APOLD1: variants seen among roughly 807,000 people sequenced by gnomAD.
The protein encoded by APOLD1 is apolipoprotein L domain containing 1, also known as apolipoprotein L domain-containing protein 1.
APOLD1 carries 22 observed loss-of-function variants against 15.3 expected under a neutral mutation model. That is an observed-to-expected ratio of 1.44 (90% confidence interval 1.03 to 2.05). The LOEUF (loss-of-function observed/expected upper bound fraction) is 2.05, where lower values mean the gene tolerates loss of function less well. Among genes scored for constraint, APOLD1 ranks in the 30% most tolerant of loss-of-function variants. The pLI is 0.00. For synonymous variants in APOLD1, 190 were observed against 167.4 expected (o/e 1.13, Z -1.04); for missense variants, 394 against 353.5 (o/e 1.11, Z -0.92).
At chr12:12,756,087 T>G (rs1160366138) in intron 1 of APOLD1, among the ~76,000 whole-genome samples, 1 of 152,126 alleles carries the variant, frequency 6.6e-6, no homozygotes. Context: ...AGACTCTGAG[T>G]GGAGAGAAGT....
In APOLD1 at chr12:12,787,839, G is replaced by A; in HGVS notation, c.*187G>A. ...TCCCATCACTGTGACATCTGCCTGG[G>A]CTTGAGTGCTACGGACTTTTCAGTC... On this transcript the variant is annotated 3_prime_UTR_variant, in exon 2 of 2. Coordinates refer to ENST00000356591, the MANE Select transcript of APOLD1 (RefSeq NM_030817.3). The surrounding 1 kb of genome is among the most constrained non-coding windows in gnomAD (Gnocchi z 4.9). The A allele has an allele frequency of 1.3e-6, 1 of 794,106 alleles. No individual in the cohort carries two copies. Among genetic ancestry groups the A allele is most frequent in the Non-Finnish European group, 1.9e-6 (1 of 521,858 alleles). The allele number at this position is 794,106 out of a possible 1,614,324, so 49.2% of individuals were successfully genotyped here. A position where few individuals can be genotyped will look rare whatever the true frequency, so the allele number is the denominator to read the frequency against.
chr12:12,730,096 G>C (rs1946627023), intron 1 of APOLD1, among the ~76,000 whole-genome samples: 1 of 149,538 alleles, frequency 6.7e-6, no homozygotes, highest in Non-Finnish European at 1.5e-5. Context: ...GAGAGAGAGA[G>C]ACAGACAGGT....
intron 1 of APOLD1, among the ~76,000 whole-genome samples, chr12:12,761,285 C>G (rs1946896754): frequency 6.6e-6 from 1 of 152,082 alleles, no homozygotes; most frequent in Non-Finnish European, 1.5e-5. Context: ...TTCAGAAACT[C>G]CTTTATAAAG....
intron 1 of APOLD1, among the ~76,000 whole-genome samples, chr12:12,749,010 G>T (rs1946786996): frequency 6.6e-6 from 1 of 152,188 alleles, no homozygotes; most frequent in African/African-American, 2.4e-5. Flanking sequence ...GCACAGTGCT[G>T]AAATTAACCT....
chr12:12,739,476 A>G (rs1322379333), intron 1 of APOLD1, among the ~76,000 whole-genome samples: 1 of 152,246 alleles, frequency 6.6e-6, no homozygotes, highest in Non-Finnish European at 1.5e-5. Flanking sequence ...TCTAATCAAG[A>G]TACATTTGAA....
chr12:12,764,821 G>T, intron 1 of APOLD1: 1 of 345,266 alleles, frequency 2.9e-6, no homozygotes. Flanking sequence ...GCCACAGCAT[G>T]GTATGGGGAT....
intron 1 of APOLD1, among the ~76,000 whole-genome samples, chr12:12,764,202 A>G (rs1946926669): frequency 6.6e-6 from 1 of 152,178 alleles, no homozygotes; most frequent in Non-Finnish European, 1.5e-5. Flanking sequence ...GCCTCAGGTG[A>G]TCCACCCATC....
At chr12:12,742,094 T>A (rs1318715492) in intron 1 of APOLD1, among the ~76,000 whole-genome samples, 1 of 152,216 alleles carries the variant, frequency 6.6e-6, no homozygotes, top group South Asian at 2.1e-4. Context: ...AATAATTGTT[T>A]CATTAAAAAC....
At position 12,790,316 on chromosome 12, in the gene APOLD1, T is replaced by C. The variant is rs377737624; in HGVS notation, c.*2664T>C. The C allele has an allele frequency of 1.3e-5, 2 of 152,202 alleles. No homozygotes were observed. The highest frequency in any genetic ancestry group is 3.8e-4 in the East Asian group (2 of 5,198). The allele number at this position is 152,202 out of a possible 1,614,324, so 9.4% of individuals were successfully genotyped here. A position where few individuals can be genotyped will look rare whatever the true frequency, so the allele number is the denominator to read the frequency against. ...CACCTCGCCTGGCCAGATGCTAGCA[T>C]TTTAGATCAAACAATTCATTTTAGA... On this transcript the variant is annotated 3_prime_UTR_variant, in exon 2 of 2. Coordinates refer to ENST00000356591, the MANE Select transcript of APOLD1 (RefSeq NM_030817.3).
At chr12:12,746,640 A>C (rs550347252) in intron 1 of APOLD1, among the ~76,000 whole-genome samples, 11 of 152,136 alleles carry the variant, frequency 7.2e-5, no homozygotes, top group Non-Finnish European at 1.5e-4. Context: ...ACATGCTCTA[A>C]TTTTTTTTAA....
intron 1 of APOLD1, among the ~76,000 whole-genome samples, chr12:12,759,727 C>T (rs1946882926): frequency 6.6e-6 from 1 of 152,200 alleles, no homozygotes; most frequent in African/African-American, 2.4e-5. Context: ...TCCAGTTACC[C>T]TGTTGGGAGT....
rs538853803 is a variant in APOLD1, at chr12:12,732,066, T to G, written c.96+5970T>G. Among the ~76,000 whole-genome samples the G allele has an allele frequency of 1.3e-4, 20 of 152,338 alleles. No homozygotes were observed. In the South Asian group the frequency reaches 3.7e-3, roughly 28 times the overall value. On this transcript the variant is annotated intron_variant, in intron 1 of 1. Coordinates refer to the APOLD1 transcript ENST00000326765. ...CATTCCTGCTTTTAAGTTTAATGCC[T>G]GTACGTTGCTGGTGATACCAGTCTC...
chr12:12,736,107 G>A (rs1946682764), intron 1 of APOLD1, among the ~76,000 whole-genome samples: 1 of 152,114 alleles, frequency 6.6e-6, no homozygotes, highest in African/African-American at 2.4e-5. Context: ...TGTAATCCCA[G>A]CATTTTGGGA....
intron 1 of APOLD1, among the ~76,000 whole-genome samples, chr12:12,767,273 G>C (rs1334272684): frequency 6.6e-6 from 1 of 151,896 alleles, no homozygotes; most frequent in Non-Finnish European, 1.5e-5. Context: ...TTGGCCCTCT[G>C]TATTTGTGAG....
At position 12,777,677 on chromosome 12, in the gene APOLD1, A is replaced by G. The variant is rs138131133; in HGVS notation, c.97-9232A>G. ...TCCTTTGAGCATCACTCTAAAATCC[A>G]AAACTTACTGAGCACCAGTGTGACG... On this transcript the variant is annotated intron_variant, in intron 1 of 1. Transcript: ENST00000326765. Among the ~76,000 whole-genome samples the G allele has an allele frequency of 1.4e-3, 195 of 142,738 alleles. 1 individual carries two copies. The highest frequency in any genetic ancestry group is 4.8e-3 in the African/African-American group (185 of 38,726). The allele number at this position is 142,738 out of a possible 152,430, so 93.6% of individuals were successfully genotyped here. A position where few individuals can be genotyped will look rare whatever the true frequency, so the allele number is the denominator to read the frequency against.
chr12:12,762,748 A>G (rs958608579), intron 1 of APOLD1, among the ~76,000 whole-genome samples: 1 of 152,158 alleles, frequency 6.6e-6, no homozygotes, highest in South Asian at 2.1e-4. Flanking sequence ...AACATTTGGC[A>G]TGGGAGCCTG....
At chr12:12,742,798 T>TCAGG (rs1946738242) in intron 1 of APOLD1, among the ~76,000 whole-genome samples, 2 of 149,352 alleles carry the variant, frequency 1.3e-5, no homozygotes, top group Non-Finnish European at 3.0e-5. Flanking sequence ...AGGGTCTCAC[T>TCAGG]CTGTCACCCA....
intron 1 of APOLD1, among the ~76,000 whole-genome samples, chr12:12,764,365 C>T (rs575018340): frequency 6.6e-6 from 1 of 152,268 alleles, no homozygotes; most frequent in East Asian, 1.9e-4. Flanking sequence ...CTCCCCAATT[C>T]TCCCTGATGA....
chr12:12,740,180 AC>A (rs1399669446), intron 1 of APOLD1, among the ~76,000 whole-genome samples: 3 of 152,008 alleles, frequency 2.0e-5, no homozygotes, highest in African/African-American at 7.3e-5. Context: ...ATGGGGTTTC[AC>A]CGTGTTAGCC....
Sources: allele counts gnomAD v4.1 joint callset (sites outside exome capture counted in the v4.1 genomes callset), GRCh38; gene constraint gnomAD v4.1.1; non-coding constraint Gnocchi (gnomAD v3.1); transcripts MANE v1.5; gene names NCBI Gene and HGNC (gene_info 2026-07-23, HGNC 2026-07-21).